Variants in NKAIN2 observed in about 807,000 individuals in gnomAD.
NKAIN2 encodes the protein sodium/potassium transporting ATPase interacting 2.
In NKAIN2, 14 loss-of-function variants were observed where a neutral mutation model predicts 32.6. The ratio of observed to expected loss-of-function variants is 0.43; its 90% CI spans 0.28 to 0.67. The LOEUF is 0.67. Among genes scored for constraint, NKAIN2 ranks in the 30% least tolerant of loss-of-function variants. The probability of loss-of-function intolerance (pLI) is 0.17; values close to 1 mark genes in which losing one functional copy is unlikely to be tolerated. For missense variants in NKAIN2, 198 were observed against 258.3 expected (o/e 0.77, Z 1.60); for synonymous variants, 80 against 87.2 (o/e 0.92, Z 0.46).
chr6:124,339,915 C>T (rs1798050106), intron 2 of NKAIN2, among the ~76,000 whole-genome samples: 1 of 152,036 alleles, frequency 6.6e-6, no homozygotes, highest in Non-Finnish European at 1.5e-5. Context: ...ATTTACATGA[C>T]CCTAATTTTT....
intron 1 of NKAIN2, among the ~76,000 whole-genome samples, chr6:124,097,023 C>A (rs1012167326): frequency 1.3e-5 from 2 of 152,072 alleles, no homozygotes; most frequent in Non-Finnish European, 2.9e-5. Context: ...AATAAGAAAG[C>A]ACATTTTGTT....
At chr6:123,875,463 C>T (rs113710143) in intron 1 of NKAIN2, among the ~76,000 whole-genome samples, 16 of 152,012 alleles carry the variant, frequency 1.1e-4, no homozygotes, top group South Asian at 4.2e-4. Flanking sequence ...ATTTATTCTA[C>T]GAAATGCCAT....
intron 2 of NKAIN2, among the ~76,000 whole-genome samples, chr6:124,331,672 G>T (rs1253876394): frequency 6.6e-6 from 1 of 152,214 alleles, no homozygotes; most frequent in South Asian, 2.1e-4. Flanking sequence ...ACACCTTGTG[G>T]CCCTGCATTT....
chr6:123,847,630 G>C (rs2114949380), intron 1 of NKAIN2, among the ~76,000 whole-genome samples: 1 of 152,210 alleles, frequency 6.6e-6, no homozygotes, highest in South Asian at 2.1e-4. Context: ...TTTGTCTCAT[G>C]AGGATCCCAT....
At chr6:124,496,492 G>A (rs1227935130) in intron 3 of NKAIN2, among the ~76,000 whole-genome samples, 1 of 152,152 alleles carries the variant, frequency 6.6e-6, no homozygotes, top group Admixed American at 6.6e-5. Context: ...TAAATTGCAA[G>A]GTAGAGAGGC....
intron 1 of NKAIN2, among the ~76,000 whole-genome samples, chr6:123,883,285 T>C (rs541751765): frequency 3.7e-4 from 57 of 152,004 alleles, no homozygotes; most frequent in East Asian, 3.1e-3. Context: ...GCTGGGACTA[T>C]AGGCACCCGC....
intron 3 of NKAIN2, among the ~76,000 whole-genome samples, chr6:124,651,810 A>G (rs2114399638): frequency 6.6e-6 from 1 of 152,290 alleles, no homozygotes; most frequent in Non-Finnish European, 1.5e-5. Flanking sequence ...GATCACAGAA[A>G]TGCCTTCAGA....
At chr6:123,898,473 C>T (rs1382609597) in intron 1 of NKAIN2, among the ~76,000 whole-genome samples, 1 of 152,094 alleles carries the variant, frequency 6.6e-6, no homozygotes, top group South Asian at 2.1e-4. Flanking sequence ...ACCACTTTTC[C>T]TCCAGCTTCA....
intron 3 of NKAIN2, among the ~76,000 whole-genome samples, chr6:124,363,356 G>A (rs976123502): frequency 2.6e-5 from 4 of 152,038 alleles, no homozygotes; most frequent in African/African-American, 9.7e-5. Context: ...CTATACCCTG[G>A]GTGCATTTGT....
chr6:124,396,342 T>C (rs1054968282), intron 3 of NKAIN2, among the ~76,000 whole-genome samples: 1 of 139,778 alleles, frequency 7.2e-6, no homozygotes, highest in Non-Finnish European at 1.6e-5. Context: ...GCAAAGAGAG[T>C]GGCTGGGAAT....
intron 1 of NKAIN2, among the ~76,000 whole-genome samples, chr6:123,834,897 T>A (rs927764191): frequency 1.3e-5 from 2 of 152,198 alleles, no homozygotes; most frequent in African/African-American, 2.4e-5. Context: ...TGAACCAGCC[T>A]TACATACATG....
chr6:124,296,775 A>C (rs1280810491), intron 2 of NKAIN2, among the ~76,000 whole-genome samples: 1 of 152,196 alleles, frequency 6.6e-6, no homozygotes, highest in Non-Finnish European at 1.5e-5. Flanking sequence ...AGCAATTAAA[A>C]TCAAGGAAAT....
intron 5 of NKAIN2, among the ~76,000 whole-genome samples, chr6:124,795,374 T>C (rs541702212): frequency 1.5e-4 from 23 of 152,056 alleles, no homozygotes; most frequent in Admixed American, 3.9e-4. Context: ...CAGGAAGCAA[T>C]GGAGAGGGTT....
intron 1 of NKAIN2, among the ~76,000 whole-genome samples, chr6:123,845,888 A>G (rs1191398871): frequency 6.6e-6 from 1 of 152,208 alleles, no homozygotes; most frequent in Non-Finnish European, 1.5e-5. Flanking sequence ...AGTTTCTATT[A>G]TTCATCTAAC....
chr6:123,830,340 C>G (rs1227399800), intron 1 of NKAIN2, among the ~76,000 whole-genome samples: 1 of 152,112 alleles, frequency 6.6e-6, no homozygotes, highest in Non-Finnish European at 1.5e-5. Flanking sequence ...CACTTCAAAG[C>G]CTTCCTGTTG....
intron 3 of NKAIN2, among the ~76,000 whole-genome samples, chr6:124,522,984 A>C (rs1034158606): frequency 6.7e-6 from 1 of 148,186 alleles, no homozygotes; most frequent in African/African-American, 2.5e-5. Context: ...TCTACTAAAA[A>C]TACAAAAAAT....
At chr6:124,135,584 A>C (rs1466373062) in intron 1 of NKAIN2, among the ~76,000 whole-genome samples, 1 of 151,820 alleles carries the variant, frequency 6.6e-6, no homozygotes, top group Non-Finnish European at 1.5e-5. Flanking sequence ...AGAAAATACC[A>C]CAATTCTAAA....
chr6:124,254,451 C>T (rs1793831351), intron 1 of NKAIN2, among the ~76,000 whole-genome samples: 1 of 152,110 alleles, frequency 6.6e-6, no homozygotes, highest in African/African-American at 2.4e-5. Flanking sequence ...GTGGGAGGCA[C>T]TAGAGAGTGT....
chr6:124,313,287 A>T (rs779749665), intron 2 of NKAIN2, among the ~76,000 whole-genome samples: 3 of 152,032 alleles, frequency 2.0e-5, no homozygotes, highest in Non-Finnish European at 4.4e-5. Flanking sequence ...GTCCTTGAAC[A>T]CTCTTAAACT....
Sources: gnomAD v4.1 joint callset for allele counts (sites outside exome capture counted in the v4.1 genomes callset) on GRCh38, gnomAD v4.1.1 for gene constraint, MANE v1.5 for transcripts, NCBI Gene and HGNC (gene_info 2026-07-23, HGNC 2026-07-21) for gene names.